The following SPOCK1 variants were observed in gnomAD, a reference collection of about 807,000 sequenced individuals.
SPOCK1 encodes the protein testican-1.
SPOCK1 carries 23 observed loss-of-function variants against 55.3 expected under a neutral mutation model. The ratio of observed to expected loss-of-function variants is 0.42; its 90% CI spans 0.30 to 0.59. SPOCK1 has a LOEUF of 0.59. SPOCK1 is among the 20% of genes least tolerant of loss of function. The pLI is 0.22. For missense variants in SPOCK1, 499 were observed against 552.5 expected (o/e 0.90, Z 0.97); for synonymous variants, 226 against 221.0 (o/e 1.02, Z -0.20).
chr5:137,030,596 C>T (rs991287377), intron 6 of SPOCK1, among the ~76,000 whole-genome samples: 5 of 152,300 alleles, frequency 3.3e-5, no homozygotes, highest in African/African-American at 1.2e-4. Flanking sequence ...GTCTTTTTAA[C>T]TAACAACTCA....
intron 2 of SPOCK1, among the ~76,000 whole-genome samples, chr5:137,393,052 C>T (rs529800899): frequency 5.9e-5 from 9 of 152,300 alleles, no homozygotes; most frequent in Admixed American, 3.9e-4. Flanking sequence ...TTTTCCAATA[C>T]ATACCCTTTG....
intron 3 of SPOCK1, among the ~76,000 whole-genome samples, chr5:137,149,662 A>G (rs1754274006): frequency 6.6e-6 from 1 of 152,248 alleles, no homozygotes; most frequent in South Asian, 2.1e-4. Flanking sequence ...CAGGCCAAAG[A>G]CATCCAGAGA....
intron 2 of SPOCK1, among the ~76,000 whole-genome samples, chr5:137,483,917 A>G (rs926560595): frequency 2.0e-5 from 3 of 152,196 alleles, no homozygotes; most frequent in Non-Finnish European, 2.9e-5. Context: ...CACCCGGGGA[A>G]GCCCTTCTGC....
At chr5:137,144,241 T>C (rs1470862646) in intron 3 of SPOCK1, among the ~76,000 whole-genome samples, 2 of 152,158 alleles carry the variant, frequency 1.3e-5, no homozygotes, top group Non-Finnish European at 2.9e-5. Context: ...CTGGTCAATT[T>C]TGTTCCTGTA....
At chr5:137,278,385 G>A (rs1259317347) in intron 2 of SPOCK1, among the ~76,000 whole-genome samples, 3 of 152,270 alleles carry the variant, frequency 2.0e-5, no homozygotes, top group African/African-American at 4.8e-5. Context: ...TTTTCCCCAC[G>A]GTAAGAGGTA....
At chr5:137,035,113 A>T (rs551472198) in intron 6 of SPOCK1, among the ~76,000 whole-genome samples, 19 of 152,194 alleles carry the variant, frequency 1.2e-4, no homozygotes, top group Admixed American at 1.0e-3. Flanking sequence ...CAGGACTGCC[A>T]CAAGTTAGCA....
At chr5:137,138,459 T>C (rs1754030509) in intron 4 of SPOCK1, among the ~76,000 whole-genome samples, 1 of 151,464 alleles carries the variant, frequency 6.6e-6, no homozygotes, top group East Asian at 2.0e-4. Context: ...TCCTGCATTG[T>C]AGGAGGAAAC....
In SPOCK1 at chr5:137,389,835, T is replaced by C. The variant is rs148394414; in HGVS notation, c.186+108538A>G. ...GATGGGTACATACAGGTTTCAGACA[T>C]GCTTGATGGCATTTTATGGGGAAAA... is the stretch of plus-strand genomic sequence containing the variant. On this transcript the variant is annotated intron_variant, in intron 2 of 10. Transcript: ENST00000394945. Among the ~76,000 whole-genome samples the C allele has an allele frequency of 3.9e-3, 597 of 152,330 alleles. 7 individuals carry two copies. Among genetic ancestry groups the C allele is most frequent in the African/African-American group, 0.013 (555 of 41,568 alleles).
chr5:137,310,523 A>T (rs1272083877), intron 2 of SPOCK1, among the ~76,000 whole-genome samples: 1 of 152,238 alleles, frequency 6.6e-6, no homozygotes, highest in South Asian at 2.1e-4. Context: ...ATCATTAATC[A>T]TCAAAACAGC....
intron 2 of SPOCK1, among the ~76,000 whole-genome samples, chr5:137,419,297 T>A (rs1752429526): frequency 6.6e-6 from 1 of 152,158 alleles, no homozygotes; most frequent in Non-Finnish European, 1.5e-5. Flanking sequence ...CTTTTTTGGT[T>A]CCATATGAAC....
At chr5:137,146,243 T>G (rs1754189312) in intron 3 of SPOCK1, among the ~76,000 whole-genome samples, 1 of 151,904 alleles carries the variant, frequency 6.6e-6, no homozygotes, top group Non-Finnish European at 1.5e-5. Context: ...AGGAACCTCC[T>G]TCCTCCCTCT....
chr5:137,103,029 T>G (rs1753301849), intron 5 of SPOCK1, among the ~76,000 whole-genome samples: 1 of 152,184 alleles, frequency 6.6e-6, no homozygotes, highest in Non-Finnish European at 1.5e-5. Context: ...CTTGCTCTGT[T>G]GCCCAGGCTA....
At chr5:137,043,197 A>G (rs1752034658) in intron 6 of SPOCK1, among the ~76,000 whole-genome samples, 1 of 152,208 alleles carries the variant, frequency 6.6e-6, no homozygotes, top group African/African-American at 2.4e-5. Flanking sequence ...CAAAGCTGGA[A>G]CAATTTGAAA....
intron 3 of SPOCK1, among the ~76,000 whole-genome samples, chr5:137,156,686 A>C (rs1001442273): frequency 1.3e-5 from 2 of 152,128 alleles, no homozygotes; most frequent in Non-Finnish European, 2.9e-5. Context: ...GGTATATATG[A>C]CCTCAAGGAA....
intron 6 of SPOCK1, among the ~76,000 whole-genome samples, chr5:137,038,643 T>G (rs1004376433): frequency 6.6e-6 from 1 of 152,210 alleles, no homozygotes; most frequent in Non-Finnish European, 1.5e-5. Context: ...CTCTCATTAC[T>G]TTTTATAGAA....
At chr5:137,399,767 T>C (rs905764147) in intron 2 of SPOCK1, among the ~76,000 whole-genome samples, 10 of 152,180 alleles carry the variant, frequency 6.6e-5, no homozygotes, top group Non-Finnish European at 1.5e-4. Context: ...GTAAAAATTA[T>C]TTTTTAAAAA....
chr5:137,116,530 C>T (rs1753584002), intron 4 of SPOCK1, among the ~76,000 whole-genome samples: 1 of 152,010 alleles, frequency 6.6e-6, no homozygotes, highest in Non-Finnish European at 1.5e-5. Flanking sequence ...CCTGTAATCC[C>T]AGCTACTTGG....
At chr5:137,158,638 T>A (rs1754467357) in intron 3 of SPOCK1, among the ~76,000 whole-genome samples, 1 of 151,934 alleles carries the variant, frequency 6.6e-6, no homozygotes, top group Admixed American at 6.6e-5. Context: ...AAAAATACTA[T>A]GTATATCACT....
At chr5:137,198,583 T>C (rs1755349097) in intron 3 of SPOCK1, among the ~76,000 whole-genome samples, 1 of 152,266 alleles carries the variant, frequency 6.6e-6, no homozygotes, top group Non-Finnish European at 1.5e-5. Context: ...TAATTGTTTA[T>C]CTACAGTCTA....
Sources: gnomAD v4.1 joint callset for allele counts (sites outside exome capture counted in the v4.1 genomes callset) on GRCh38, gnomAD v4.1.1 for gene constraint, MANE v1.5 for transcripts, NCBI Gene and HGNC (gene_info 2026-07-23, HGNC 2026-07-21) for gene names.